POC1A: variants seen among roughly 807,000 people sequenced by gnomAD.
POC1A encodes the protein POC1 centriolar protein homolog A.
POC1A carries 34 observed loss-of-function variants against 47.8 expected under a neutral mutation model. That is an observed-to-expected ratio of 0.71 (90% confidence interval 0.54 to 0.95). The LOEUF (loss-of-function observed/expected upper bound fraction) is 0.95. Ranked by LOEUF, POC1A falls within the 40% of genes least tolerant of loss-of-function variation. The pLI, the probability that POC1A is intolerant of heterozygous loss-of-function variation, is 0.00. For missense variants in POC1A, 466 were observed against 528.3 expected (o/e 0.88, Z 1.16); for synonymous variants, 177 against 207.6 (o/e 0.85, Z 1.27).
intron 9 of POC1A, among the ~76,000 whole-genome samples, chr3:52,121,437 C>T (rs1378883336): frequency 1.3e-5 from 2 of 152,218 alleles, no homozygotes; most frequent in South Asian, 2.1e-4. Context: ...GTAAGAAAAA[C>T]CATAAATCCC....
chr3:52,101,817 T>G (rs1461249501), intron 9 of POC1A, among the ~76,000 whole-genome samples: 1 of 152,226 alleles, frequency 6.6e-6, no homozygotes, highest in Admixed American at 6.5e-5. Context: ...AATACAAATT[T>G]GCTGGTAAAA....
chr3:52,139,616 C>G (rs1698116290), intron 6 of POC1A, among the ~76,000 whole-genome samples: 1 of 152,182 alleles, frequency 6.6e-6, no homozygotes, highest in African/African-American at 2.4e-5. Flanking sequence ...GCAGCACAAG[C>G]CTCCCATCGG....
Position 52,090,406 on chromosome 3 carries a change from C to T in POC1A, c.1125+6163G>A, listed in dbSNP as rs1702605584. Among the ~76,000 whole-genome samples, 1 of 152,254 alleles carries T rather than the reference C, an allele frequency of 6.6e-6. No homozygotes were observed. The highest frequency in any genetic ancestry group is 2.1e-4 in the South Asian group (1 of 4,836). On this transcript the variant is annotated intron_variant, in intron 10 of 10. Coordinates refer to ENST00000296484, the MANE Select transcript of POC1A (RefSeq NM_015426.5). The surrounding 1 kb of genome is among the most constrained non-coding windows in gnomAD (Gnocchi z 4.2). Reference sequence around the variant, plus strand: ...GCGTGTTGGGCCTATGCCGGGCCCCCTCACAGCAGCCTCCCCAGCTCCTGG... The same window carrying T: ...GCGTGTTGGGCCTATGCCGGGCCCCTTCACAGCAGCCTCCCCAGCTCCTGG...
intron 9 of POC1A, among the ~76,000 whole-genome samples, chr3:52,114,065 C>T (rs1199911311): frequency 2.0e-5 from 3 of 152,166 alleles, no homozygotes; most frequent in Non-Finnish European, 2.9e-5. Flanking sequence ...ACAGGAGACA[C>T]GCCACCTCAG....
chr3:52,140,908 A>G (rs1698170868), intron 6 of POC1A, among the ~76,000 whole-genome samples: 1 of 152,238 alleles, frequency 6.6e-6, no homozygotes, highest in Non-Finnish European at 1.5e-5. Context: ...TGAGCCTTCT[A>G]TCATGATGCC....
chr3:52,118,800 G>A (rs1214605713), intron 9 of POC1A, among the ~76,000 whole-genome samples: 1 of 152,232 alleles, frequency 6.6e-6, no homozygotes, highest in African/African-American at 2.4e-5. Context: ...CAGAGCTGAT[G>A]TAGGCAGAGG....
At chr3:52,132,552 G>A (rs1704256826) in intron 7 of POC1A, among the ~76,000 whole-genome samples, 1 of 152,074 alleles carries the variant, frequency 6.6e-6, no homozygotes. Flanking sequence ...TAACCTGCAG[G>A]CAGCACCTCC....
chr3:52,147,044 A>G lies in POC1A; in HGVS notation c.507T>C (p.Val169=), dbSNP rs1205552147. ...LIVSASDDKT[V]KLWDKSSREC... is the part of the protein sequence containing the mutation. ...CCCGGCTGCTCTTGTCCCACAGCTTAACAGTCTTGTCATCACTGGCAGACA... is the reference window on the plus strand; with the variant it reads ...CCCGGCTGCTCTTGTCCCACAGCTTGACAGTCTTGTCATCACTGGCAGACA... The change falls in exon 5 of 11, where the codon GTT becomes GTC. Residue 169 remains valine, a synonymous_variant. Transcript: ENST00000296484. 4 of 1,614,168 alleles carry G rather than the reference A, an allele frequency of 2.5e-6. No homozygotes were observed. The South Asian group carries it at 4.4e-5, about 18-fold the overall frequency.
intron 10 of POC1A, among the ~76,000 whole-genome samples, chr3:52,094,088 G>T (rs898710684): frequency 2.0e-5 from 3 of 152,214 alleles, no homozygotes; most frequent in Non-Finnish European, 2.9e-5. Flanking sequence ...CTTCCCTGTG[G>T]GGGAGGGAAG....
At chr3:52,098,778 G>A (rs1050330169) in intron 9 of POC1A, among the ~76,000 whole-genome samples, 20 of 152,232 alleles carry the variant, frequency 1.3e-4, no homozygotes, top group Middle Eastern at 3.4e-3. Context: ...TCCAGCAATC[G>A]CCATGGTTTA....
intron 9 of POC1A, among the ~76,000 whole-genome samples, chr3:52,103,177 C>A (rs1703057079): frequency 6.6e-6 from 1 of 152,234 alleles, no homozygotes; most frequent in Admixed American, 6.5e-5. Context: ...TCGGTACATA[C>A]CTTGCACCAC....
chr3:52,096,438 A>C (rs1702816648), intron 10 of POC1A, 131 bp downstream of exon 10: 1 of 809,806 alleles, frequency 1.2e-6, no homozygotes, highest in African/African-American at 1.8e-5. Context: ...TGTCATTAAT[A>C]TGGACTGGAA....
intron 7 of POC1A, among the ~76,000 whole-genome samples, chr3:52,130,759 G>T (rs1704181557): frequency 1.3e-5 from 2 of 152,156 alleles, no homozygotes; most frequent in South Asian, 2.1e-4. Flanking sequence ...CTCCACCTGG[G>T]GTGGACAGAG....
chr3:52,124,965 C>A, intron 8 of POC1A, 148 bp downstream of exon 8: 2 of 622,966 alleles, frequency 3.2e-6, no homozygotes, highest in Non-Finnish European at 2.8e-6. Flanking sequence ...AACCCCACCC[C>A]AAGCGCCATC....
rs756230163 is a variant in POC1A at position 52,149,159 on chromosome 3, C to T, written c.455+51G>A. ...TGGTACCTAGCAGCCCCTGGGCCAG[C>T]CCCCAACCCCCAGGGTTCCTCCAAG... On this transcript the variant is annotated intron_variant, in intron 4 of 10. Transcript: ENST00000296484. The T allele has an allele frequency of 7.7e-6, 12 of 1,559,038 alleles. 1 individual carries two copies. In the South Asian group the frequency reaches 1.2e-4, roughly 16 times the overall value.
chr3:52,098,197 T>C (rs887948698), intron 9 of POC1A, among the ~76,000 whole-genome samples: 12 of 152,236 alleles, frequency 7.9e-5, no homozygotes, highest in Admixed American at 2.0e-4. Flanking sequence ...TGTTCAGTGC[T>C]GTGCCCACTC....
At chr3:52,086,367 G>A (rs937838570) in intron 10 of POC1A, among the ~76,000 whole-genome samples, 1 of 152,216 alleles carries the variant, frequency 6.6e-6, no homozygotes, top group South Asian at 2.1e-4. Context: ...GATGAAAAAT[G>A]TTGAATTAAT....
In POC1A at chr3:52,149,832, T is replaced by C; in HGVS notation, c.259A>G (p.Ile87Val). The part of the protein sequence containing the change: ...ASGSRDKTVR[I>V]WVPNVKGEST... ...ACGACTCACACATTGGGTACCCAGA[T>C]GCGGACAGTCTTGTCTCGGGAGCCG... Residue 87 changes from isoleucine to valine, a missense_variant, in exon 3 of 11, where the codon ATC becomes GTC. Transcript: ENST00000296484. 1 of 1,613,584 alleles carries C rather than the reference T, an allele frequency of 6.2e-7. No individual in the cohort carries two copies.
chr3:52,136,419 C>T (rs1408273226), intron 7 of POC1A, among the ~76,000 whole-genome samples: 3 of 152,208 alleles, frequency 2.0e-5, no homozygotes, highest in Non-Finnish European at 4.4e-5. Context: ...GTCAGCCTCC[C>T]TGTGGAGTCC....
Sources: gnomAD v4.1 joint callset for allele counts (sites outside exome capture counted in the v4.1 genomes callset) on GRCh38, gnomAD v4.1.1 for gene constraint, Gnocchi (gnomAD v3.1) non-coding constraint, MANE v1.5 for transcripts, NCBI Gene and HGNC (gene_info 2026-07-23, HGNC 2026-07-21) for gene names.